Variants in PCDHGA3 observed in about 807,000 individuals in gnomAD.
The protein encoded by PCDHGA3 is protocadherin gamma-A3.
A neutral mutation model predicts 58.5 loss-of-function variants in PCDHGA3; 40 were observed. The observed-to-expected ratio is 0.68, with a 90% CI of 0.53 to 0.89. The LOEUF (loss-of-function observed/expected upper bound fraction) is 0.89. Ranked by LOEUF, PCDHGA3 falls within the 40% of genes least tolerant of loss-of-function variation. The probability of loss-of-function intolerance (pLI) is 0.00; values close to 1 mark genes in which losing one functional copy is unlikely to be tolerated. For synonymous variants in PCDHGA3, 530 were observed against 525.7 expected (o/e 1.01, Z -0.11); for missense variants, 1,223 against 1,195.9 (o/e 1.02, Z -0.33).
chr5:141,389,524 G>A, intron 1 of PCDHGA3: 5 of 1,613,146 alleles, frequency 3.1e-6, no homozygotes, highest in South Asian at 1.1e-5. Context: ...GTGAGCCTGC[G>A]CGTGTTAGTG....
In PCDHGA3 at chr5:141,364,524, G is replaced by T. The variant is rs773568307; in HGVS notation, c.2424+18067G>T. The T allele has an allele frequency of 1.3e-5, 21 of 1,613,938 alleles. No individual in the cohort carries two copies. The highest frequency in any genetic ancestry group is 1.7e-5 in the Non-Finnish European group (20 of 1,179,924). On this transcript the variant is annotated intron_variant, in intron 1 of 3. Transcript: ENST00000253812. Reference sequence around the variant, plus strand: ...CAGGAGCTGGCGGAGCGCGGAGTCCGCATCGTCTCCAGAGGTAGGACGCAG... The same window carrying T: ...CAGGAGCTGGCGGAGCGCGGAGTCCTCATCGTCTCCAGAGGTAGGACGCAG...
chr5:141,398,344 C>T (rs901692894), intron 1 of PCDHGA3: 2 of 1,372,186 alleles, frequency 1.5e-6, no homozygotes, highest in Non-Finnish European at 2.0e-6. Context: ...TTCGGAGAAG[C>T]CTTACTTCAC....
At position 141,413,764 on chromosome 5, in the gene PCDHGA3, G is replaced by A. The variant is rs749419039; in HGVS notation, c.2424+67307G>A. 28 of 1,612,716 alleles carry A rather than the reference G, an allele frequency of 1.7e-5. No individual in the cohort carries two copies. Among genetic ancestry groups the A allele is most frequent in the Non-Finnish European group, 2.2e-5 (26 of 1,179,878 alleles). On this transcript the variant is annotated intron_variant, in intron 1 of 3. Coordinates refer to ENST00000253812, the MANE Select transcript of PCDHGA3 (RefSeq NM_018916.4). ...CCGTGCCAATGGCGTCAAGTACCCG[G>A]AGCTGGTACTGGAGCACTCCCTAGA... is the stretch of plus-strand genomic sequence containing the variant.
chr5:141,489,112 A>C lies in PCDHGA3; in HGVS notation c.2425-5695A>C. 3 of 412,420 alleles carry C rather than the reference A, an allele frequency of 7.3e-6. No individual in the cohort carries two copies. Among genetic ancestry groups the C allele is most frequent in the South Asian group, 4.2e-5 (1 of 23,838 alleles). The allele number at this position is 412,420 out of a possible 1,614,324, so 25.5% of individuals were successfully genotyped here. ...TGACTAAGAACTGCTGCAAGCAGGC[A>C]AACCTCCGAGCAGTTTTTAAGAGGC... is the stretch of plus-strand genomic sequence containing the variant. On this transcript the variant is annotated intron_variant, in intron 1 of 3. Coordinates refer to ENST00000253812, the MANE Select transcript of PCDHGA3 (RefSeq NM_018916.4). The surrounding 1 kb of genome is among the most constrained non-coding windows in gnomAD (Gnocchi z 4.5).
intron 2 of PCDHGA3, among the ~76,000 whole-genome samples, chr5:141,499,352 CA>C (rs2099791418): frequency 6.6e-6 from 1 of 152,058 alleles, no homozygotes; most frequent in South Asian, 2.1e-4. Context: ...AGTCATTCAA[CA>C]AACAAATAGC....
At chr5:141,395,134 A>G (rs1468654358) in intron 1 of PCDHGA3, 7 of 1,614,062 alleles carry the variant, frequency 4.3e-6, no homozygotes, top group Middle Eastern at 1.6e-4. Flanking sequence ...CCCCAGCCCA[A>G]CTACGCAGAC....
At chr5:141,494,268 C>G (rs576129333) in intron 1 of PCDHGA3, among the ~76,000 whole-genome samples, 31 of 152,288 alleles carry the variant, frequency 2.0e-4, no homozygotes, top group African/African-American at 7.2e-4. Flanking sequence ...TTCTTGCAAG[C>G]CAAGGGCCCA....
At chr5:141,359,129 T>C (rs796480856) in intron 1 of PCDHGA3, among the ~76,000 whole-genome samples, 1 of 152,294 alleles carries the variant, frequency 6.6e-6, no homozygotes, top group African/African-American at 2.4e-5. Context: ...GTGCAATACA[T>C]AGAGTAAGCT....
chr5:141,399,314 A>C (rs1309292354), intron 1 of PCDHGA3: 9 of 1,613,988 alleles, frequency 5.6e-6, no homozygotes, highest in Non-Finnish European at 1.7e-6. Context: ...TCATCCAAAA[A>C]TTCGTATAAG....
At chr5:141,430,911 A>T (rs544678317) in intron 1 of PCDHGA3, 4 of 1,607,840 alleles carry the variant, frequency 2.5e-6, no homozygotes, top group Non-Finnish European at 3.4e-6. Context: ...ATCTCCAGGG[A>T]CCTGGGGCTG....
rs774153595 is a variant in PCDHGA3 at position 141,366,148 on chromosome 5, C to A, written c.2424+19691C>A. ...CAGGCCAGAACGCCTGGCTGTCCTA[C>A]CGCCTGCTTAAGGCCAGCGAGCCAG... On this transcript the variant is annotated intron_variant, in intron 1 of 3. Coordinates refer to ENST00000253812, the MANE Select transcript of PCDHGA3 (RefSeq NM_018916.4). 1.9e-6 allele frequency: 3 copies of A among 1,614,172 alleles called. No individual in the cohort carries two copies. The South Asian group carries it at 3.3e-5, about 18-fold the overall frequency.
Position 141,432,949 on chromosome 5 carries a change from C to T in PCDHGA3, c.2425-61858C>T. 1.2e-6 allele frequency: 2 copies of T among 1,614,184 alleles called. No homozygotes were observed. Among genetic ancestry groups the T allele is most frequent in the Non-Finnish European group, 1.7e-6 (2 of 1,180,040 alleles). On this transcript the variant is annotated intron_variant, in intron 1 of 3. Coordinates refer to ENST00000253812, the MANE Select transcript of PCDHGA3 (RefSeq NM_018916.4). This position sits in a 1 kb window ranked among gnomAD's most constrained non-coding sequence, Gnocchi z 6.0. Reference sequence around the variant, plus strand: ...CACGCCTGCTGCAGGCTTCAGGAGGCGGCTTGACAGGAGCGCCGGCGTCGC... The same window carrying T: ...CACGCCTGCTGCAGGCTTCAGGAGGTGGCTTGACAGGAGCGCCGGCGTCGC...
Position 141,358,404 on chromosome 5 carries a change from C to G in PCDHGA3, c.2424+11947C>G, listed in dbSNP as rs1760908931. Among the ~76,000 whole-genome samples, 4 of 152,218 alleles carry G rather than the reference C, an allele frequency of 2.6e-5. No individual in the cohort carries two copies. The South Asian group carries it at 8.3e-4, about 32-fold the overall frequency. ...CATGCTTTGCTTGAAGTTTACTTTTCCTTCCTTGAAAGGGTATTTTCCATT... is the reference window on the plus strand; with the variant it reads ...CATGCTTTGCTTGAAGTTTACTTTTGCTTCCTTGAAAGGGTATTTTCCATT... On this transcript the variant is annotated intron_variant, in intron 1 of 3. Transcript: ENST00000253812.
At chr5:141,417,874 C>G in intron 1 of PCDHGA3, 9 of 1,555,320 alleles carry the variant, frequency 5.8e-6, no homozygotes, top group Non-Finnish European at 7.8e-6. Context: ...GAGGGAGCTG[C>G]GCGCAGAGGC....
chr5:141,362,634 T>G, intron 1 of PCDHGA3: 1 of 1,484,528 alleles, frequency 6.7e-7, no homozygotes, highest in East Asian at 2.4e-5. Context: ...ACTGCGTATT[T>G]CTTTGTCTGT....
At chr5:141,354,716 G>A (rs1292688880) in intron 1 of PCDHGA3, among the ~76,000 whole-genome samples, 1 of 152,180 alleles carries the variant, frequency 6.6e-6, no homozygotes, top group African/African-American at 2.4e-5. Context: ...AGAATGGGCT[G>A]TGGGGATGAA....
At position 141,491,904 on chromosome 5, in the gene PCDHGA3, G is replaced by C; in HGVS notation, c.2425-2903G>C. The C allele has an allele frequency of 7.0e-7, 1 of 1,423,838 alleles. No individual in the cohort carries two copies. The allele number at this position is 1,423,838 out of a possible 1,614,324, so 88.2% of individuals were successfully genotyped here. ...GGATGGGGCTCCGAGCACCGGGGGT[G>C]GTGGCGACTGTGGGCGAGGGGAGGT... On this transcript the variant is annotated intron_variant, in intron 1 of 3. Coordinates refer to ENST00000253812, the MANE Select transcript of PCDHGA3 (RefSeq NM_018916.4). This position sits in a 1 kb window ranked among gnomAD's most constrained non-coding sequence, Gnocchi z 6.9.
At chr5:141,437,463 AC>A (rs2097887109) in intron 1 of PCDHGA3, among the ~76,000 whole-genome samples, 1 of 152,184 alleles carries the variant, frequency 6.6e-6, no homozygotes, top group Non-Finnish European at 1.5e-5. Flanking sequence ...ACTATACTAT[AC>A]TTTTATAGCA....
At chr5:141,361,046 A>C (rs779477758) in intron 1 of PCDHGA3, 3 of 1,613,710 alleles carry the variant, frequency 1.9e-6, no homozygotes, top group Non-Finnish European at 2.5e-6. Flanking sequence ...ATCACGACAA[A>C]GGATGATTTG....
Sources: allele counts gnomAD v4.1 joint callset (sites outside exome capture counted in the v4.1 genomes callset), GRCh38; gene constraint gnomAD v4.1.1; non-coding constraint Gnocchi (gnomAD v3.1); transcripts MANE v1.5; gene names NCBI Gene and HGNC (gene_info 2026-07-23, HGNC 2026-07-21).